Variants in CCDC198 observed in about 807,000 individuals in gnomAD.
The protein encoded by CCDC198 is coiled-coil domain containing 198, also known as factor associated with metabolism and energy.
A neutral mutation model predicts 35.6 loss-of-function variants in CCDC198; 18 were observed. The observed-to-expected ratio is 0.51, with a 90% CI of 0.35 to 0.75. The LOEUF (loss-of-function observed/expected upper bound fraction) is 0.75, where lower values mean the gene tolerates loss of function less well. Among genes scored for constraint, CCDC198 ranks in the 30% least tolerant of loss-of-function variants. The pLI is 0.01. For synonymous variants in CCDC198, 119 were observed against 113.4 expected (o/e 1.05, Z -0.31); for missense variants, 365 against 343.7 (o/e 1.06, Z -0.49).
rs1175645979 is a variant in CCDC198 at position 57,470,538 on chromosome 14, A to G, written c.*817T>C. On this transcript the variant is annotated 3_prime_UTR_variant, in exon 6 of 6. Transcript: ENST00000216445. Reference sequence around the variant, plus strand: ...ATTTTAGTAGAGACGGTGTCTCACCATGTTGGCCAGGCTGGTCTTGAACTC... The same window carrying G: ...ATTTTAGTAGAGACGGTGTCTCACCGTGTTGGCCAGGCTGGTCTTGAACTC... The G allele has an allele frequency of 6.6e-6, 1 of 152,232 alleles. No homozygotes were observed. The highest frequency in any genetic ancestry group is 1.5e-5 in the Non-Finnish European group (1 of 68,056). The allele number at this position is 152,232 out of a possible 1,614,324, so 9.4% of individuals were successfully genotyped here.
At chr14:57,485,833 G>A (rs1289913518) in intron 2 of CCDC198, among the ~76,000 whole-genome samples, 1 of 152,188 alleles carries the variant, frequency 6.6e-6, no homozygotes, top group African/African-American at 2.4e-5. Context: ...CATTTGTGGT[G>A]GGAAGTGGTT....
intron 5 of CCDC198, among the ~76,000 whole-genome samples, chr14:57,471,899 ATATC>A (rs576549616): frequency 1.6e-3 from 243 of 151,824 alleles, no homozygotes; most frequent in African/African-American, 5.5e-3. Context: ...ATATATGCAT[ATATC>A]TATCTATCTA....
intron 5 of CCDC198, chr14:57,479,028 G>A (rs923809672): frequency 2.3e-6 from 3 of 1,289,240 alleles, no homozygotes; most frequent in Middle Eastern, 2.1e-4. Flanking sequence ...GGTTTGCCCT[G>A]GGGAAATACA....
At chr14:57,477,664 T>G (rs1009999064) in intron 5 of CCDC198, among the ~76,000 whole-genome samples, 47 of 152,166 alleles carry the variant, frequency 3.1e-4, no homozygotes, top group African/African-American at 1.1e-3. Context: ...GAGATTCAGA[T>G]TCGGTAGGAT....
intron 3 of CCDC198, among the ~76,000 whole-genome samples, chr14:57,482,098 C>G (rs752943858): frequency 6.6e-6 from 1 of 152,094 alleles, no homozygotes; most frequent in Non-Finnish European, 1.5e-5. Context: ...TGAAATGGAA[C>G]CTATTTCTAT....
At chr14:57,491,504 G>T (rs961897020) in intron 1 of CCDC198, among the ~76,000 whole-genome samples, 1 of 151,878 alleles carries the variant, frequency 6.6e-6, no homozygotes, top group Non-Finnish European at 1.5e-5. Context: ...TGAAATAGAT[G>T]ATAGATAGAT....
chr14:57,491,094 A>T (rs1180408843), intron 1 of CCDC198, 23 bp from the exon 2 acceptor site: 1 of 1,605,386 alleles, frequency 6.2e-7, no homozygotes, highest in African/African-American at 1.3e-5. Flanking sequence ...GGGAAGAAAC[A>T]GGAATAAAAC....
chr14:57,472,906 G>A (rs2066865395), intron 5 of CCDC198, among the ~76,000 whole-genome samples: 1 of 152,136 alleles, frequency 6.6e-6, no homozygotes, highest in African/African-American at 2.4e-5. Context: ...CACTAGACTG[G>A]TTGAAACGAC....
chr14:57,487,896 G>C (rs2067419419), intron 2 of CCDC198, among the ~76,000 whole-genome samples: 1 of 152,134 alleles, frequency 6.6e-6, no homozygotes, highest in African/African-American at 2.4e-5. Context: ...TGATCTCTTT[G>C]GGAGTGTCTG....
chr14:57,479,357 G>A (rs955118640), intron 5 of CCDC198, among the ~76,000 whole-genome samples: 1 of 152,138 alleles, frequency 6.6e-6, no homozygotes, highest in Admixed American at 6.5e-5. Context: ...TTGAGTAGCT[G>A]GGACTACGGG....
intron 5 of CCDC198, among the ~76,000 whole-genome samples, chr14:57,476,935 T>C (rs111773918): frequency 1.3e-5 from 2 of 152,344 alleles, no homozygotes; most frequent in Middle Eastern, 6.8e-3. Flanking sequence ...GAATCATCGC[T>C]AGGACAAATG....
At position 57,483,336 on chromosome 14, in the gene CCDC198, G is replaced by A; in HGVS notation, c.307-185C>T. On this transcript the variant is annotated intron_variant, in intron 2 of 5. Transcript: ENST00000216445. ...ACAAAGGGCTTTTCAACCTATCTGG[G>A]TTCTTTATTATTCTAGTGCACTGTC... is the stretch of plus-strand genomic sequence containing the variant. The A allele has an allele frequency of 3.7e-6, 3 of 819,492 alleles. No individual in the cohort carries two copies. In the South Asian group the frequency reaches 5.5e-5, roughly 15 times the overall value. The allele number at this position is 819,492 out of a possible 1,614,324, so 50.8% of individuals were successfully genotyped here.
chr14:57,473,746 T>G (rs2066888462), intron 5 of CCDC198, among the ~76,000 whole-genome samples: 1 of 152,214 alleles, frequency 6.6e-6, no homozygotes, highest in African/African-American at 2.4e-5. Context: ...TATGCCACTC[T>G]CCTGCCTTAT....
At chr14:57,487,227 T>C (rs2067394318) in intron 2 of CCDC198, among the ~76,000 whole-genome samples, 1 of 152,208 alleles carries the variant, frequency 6.6e-6, no homozygotes, top group African/African-American at 2.4e-5. Flanking sequence ...AATGTAAGTA[T>C]CATTTGTCTA....
At position 57,469,499 on chromosome 14, in the gene CCDC198, T is replaced by C. The variant is rs2066779850; in HGVS notation, c.*1856A>G. On this transcript the variant is annotated 3_prime_UTR_variant, in exon 6 of 6. Transcript: ENST00000216445. ...GACGTGCCTTTGGCTCCACTAATTT[T>C]AGTGTTCAAAGTTATCCATCCCATT... 6.6e-6 allele frequency: 1 copy of C among 152,222 alleles called. No homozygotes were observed. Among genetic ancestry groups the C allele is most frequent in the Admixed American group, 6.5e-5 (1 of 15,292 alleles). 9.4% of individuals were successfully genotyped at this position (152,222 alleles called of 1,614,324 possible).
rs565677157 is a variant in CCDC198, at chr14:57,479,331, C to T, written c.655+1264G>A. Among the ~76,000 whole-genome samples the T allele has an allele frequency of 2.6e-5, 4 of 152,224 alleles. No homozygotes were observed. In the South Asian group the frequency reaches 8.3e-4, roughly 32 times the overall value. ...TTTGAAATCCTGGCCTCAGGTTGTC[C>T]TCCCACCTCAGCCTTTTGAGTAGCT... is the stretch of plus-strand genomic sequence containing the variant. On this transcript the variant is annotated intron_variant, in intron 5 of 5. Coordinates refer to ENST00000216445, the MANE Select transcript of CCDC198 (RefSeq NM_018168.4).
intron 2 of CCDC198, among the ~76,000 whole-genome samples, chr14:57,486,599 G>A (rs1859771887): frequency 6.6e-6 from 1 of 152,054 alleles, no homozygotes; most frequent in South Asian, 2.1e-4. Context: ...TTCTAGGTTG[G>A]GGGCCATTGA....
At chr14:57,486,170 T>C (rs548328132) in intron 2 of CCDC198, among the ~76,000 whole-genome samples, 3 of 152,288 alleles carry the variant, frequency 2.0e-5, no homozygotes, top group South Asian at 4.1e-4. Flanking sequence ...ATTTGTGCCA[T>C]CCTCTGGACA....
chr14:57,491,394 G>T (rs1409812607), intron 1 of CCDC198, among the ~76,000 whole-genome samples: 1 of 152,022 alleles, frequency 6.6e-6, no homozygotes, highest in Non-Finnish European at 1.5e-5. Flanking sequence ...CTGGAAAATA[G>T]AAATTTATTG....
Sources: allele counts gnomAD v4.1 joint callset (sites outside exome capture counted in the v4.1 genomes callset), GRCh38; gene constraint gnomAD v4.1.1; transcripts MANE v1.5; gene names NCBI Gene and HGNC (gene_info 2026-07-23, HGNC 2026-07-21).